SEMA3E: variants seen among roughly 807,000 people sequenced by gnomAD.
The protein encoded by SEMA3E is semaphorin-3E.
Under a neutral mutation model 93.6 loss-of-function variants are expected in SEMA3E, and 49 were observed. The observed-to-expected ratio is 0.52, with a 90% CI of 0.42 to 0.66. The LOEUF (loss-of-function observed/expected upper bound fraction) is 0.66, where lower values mean the gene tolerates loss of function less well. SEMA3E is among the 30% of genes least tolerant of loss of function. The pLI is 0.00. For synonymous variants in SEMA3E, 363 were observed against 330.7 expected (o/e 1.10, Z -1.06); for missense variants, 906 against 964.8 (o/e 0.94, Z 0.81).
In SEMA3E at chr7:83,465,197, A is replaced by G. The variant is rs1377200943; in HGVS notation, c.456+1285T>C. On this transcript the variant is annotated intron_variant, in intron 4 of 16. Transcript: ENST00000643230. ...CACCTTGCGACCCCCACTCCTGCCC[A>G]CCAGAGAACAAACCCCCTTTGACTG... Among the ~76,000 whole-genome samples, 3 of 151,614 alleles carry G rather than the reference A, an allele frequency of 2.0e-5. No individual in the cohort carries two copies. The East Asian group carries it at 5.9e-4, about 30-fold the overall frequency.
chr7:83,598,607 G>A (rs1254227797), intron 1 of SEMA3E, among the ~76,000 whole-genome samples: 1 of 152,158 alleles, frequency 6.6e-6, no homozygotes, highest in African/African-American at 2.4e-5. Context: ...TTGGAAGCAT[G>A]CTGTGTTAAT....
chr7:83,615,181 G>A (rs1053778200), intron 1 of SEMA3E, among the ~76,000 whole-genome samples: 1 of 152,048 alleles, frequency 6.6e-6, no homozygotes, highest in Non-Finnish European at 1.5e-5. Context: ...TGTTCAAAGG[G>A]TTTCTGGGGC....
At chr7:83,522,494 C>T (rs1791070034) in intron 1 of SEMA3E, among the ~76,000 whole-genome samples, 1 of 152,052 alleles carries the variant, frequency 6.6e-6, no homozygotes, top group Admixed American at 6.6e-5. Flanking sequence ...CAGGCTGAAG[C>T]TACCCTCTAG....
intron 4 of SEMA3E, chr7:83,462,293 A>G (rs569331490): frequency 6.6e-6 from 1 of 152,302 alleles, no homozygotes; most frequent in South Asian, 2.1e-4. Context: ...CCTTGCCTCC[A>G]TAACTGTTGT....
intron 1 of SEMA3E, among the ~76,000 whole-genome samples, chr7:83,593,282 CTCTGTGTGTGTG>C (rs1338405864): frequency 7.4e-5 from 8 of 107,402 alleles, no homozygotes; most frequent in African/African-American, 3.7e-4. Context: ...CTCTCTCTCT[CTCTGTGTGTGTG>C]TGTGTGTGTG....
At chr7:83,587,108 T>A (rs2115931130) in intron 1 of SEMA3E, among the ~76,000 whole-genome samples, 1 of 152,244 alleles carries the variant, frequency 6.6e-6, no homozygotes, top group East Asian at 1.9e-4. Flanking sequence ...ACTTAAAGAT[T>A]TTCCACACAA....
chr7:83,541,058 C>T (rs1791520811), intron 1 of SEMA3E, among the ~76,000 whole-genome samples: 1 of 152,290 alleles, frequency 6.6e-6, no homozygotes, highest in Non-Finnish European at 1.5e-5. Flanking sequence ...CAGATGCACA[C>T]ACCCTTAGGG....
chr7:83,433,436 G>A (rs1196939660), intron 4 of SEMA3E, among the ~76,000 whole-genome samples: 6 of 151,970 alleles, frequency 3.9e-5, no homozygotes, highest in Non-Finnish European at 8.8e-5. Context: ...TTTACTAACC[G>A]AAATTCTTAT....
chr7:83,638,392 G>A (rs1793923790), intron 1 of SEMA3E, among the ~76,000 whole-genome samples: 1 of 152,138 alleles, frequency 6.6e-6, no homozygotes, highest in Non-Finnish European at 1.5e-5. Context: ...ACTTCTCTTT[G>A]AGACATGGAA....
intron 14 of SEMA3E, among the ~76,000 whole-genome samples, chr7:83,388,047 A>G (rs1019768656): frequency 5.4e-5 from 8 of 148,380 alleles, no homozygotes; most frequent in Middle Eastern, 3.6e-3. Flanking sequence ...ATGGTGGCTC[A>G]CGCCTGTAAT....
intron 2 of SEMA3E, among the ~76,000 whole-genome samples, chr7:83,472,861 C>A (rs370928052): frequency 1.2e-4 from 18 of 152,264 alleles, no homozygotes; most frequent in East Asian, 5.8e-4. Flanking sequence ...TGAGTGAGTT[C>A]TCACAAGATC....
intron 1 of SEMA3E, among the ~76,000 whole-genome samples, chr7:83,492,093 A>G (rs1243716862): frequency 1.3e-5 from 2 of 152,062 alleles, no homozygotes; most frequent in East Asian, 3.8e-4. Context: ...GTTTTAATGC[A>G]CAGTGAAATA....
At chr7:83,587,416 C>T (rs182428186) in intron 1 of SEMA3E, among the ~76,000 whole-genome samples, 6 of 152,272 alleles carry the variant, frequency 3.9e-5, no homozygotes, top group Admixed American at 3.9e-4. Flanking sequence ...AAGCGTCCCT[C>T]ATTATTTGCA....
intron 6 of SEMA3E, 132 bp from the exon 7 acceptor site, chr7:83,407,371 C>A: frequency 1.2e-6 from 1 of 857,604 alleles, no homozygotes; most frequent in Non-Finnish European, 1.8e-6. Flanking sequence ...AAATATTTTT[C>A]TTGAATTTTT....
chr7:83,539,619 A>C (rs1791475595), intron 1 of SEMA3E, among the ~76,000 whole-genome samples: 1 of 151,934 alleles, frequency 6.6e-6, no homozygotes, highest in African/African-American at 2.4e-5. Context: ...AGCTTTCCAA[A>C]CCGTTTTTGC....
At chr7:83,552,968 T>C (rs1381323819) in intron 1 of SEMA3E, among the ~76,000 whole-genome samples, 1 of 147,010 alleles carries the variant, frequency 6.8e-6, no homozygotes, top group Non-Finnish European at 1.5e-5. Context: ...CTCAGAAGCA[T>C]GTGATCTTTG....
chr7:83,387,977 A>AAT (rs1269693885), intron 14 of SEMA3E, among the ~76,000 whole-genome samples: 1 of 146,624 alleles, frequency 6.8e-6, no homozygotes, highest in Non-Finnish European at 1.5e-5. Context: ...GTAATTCAAG[A>AAT]ATATATATAT....
chr7:83,384,392 A>G (rs1422089587), intron 16 of SEMA3E, among the ~76,000 whole-genome samples: 7 of 152,032 alleles, frequency 4.6e-5, no homozygotes, highest in Non-Finnish European at 8.8e-5. Flanking sequence ...AGGTCTCTAG[A>G]GCTTATTTTC....
At chr7:83,594,292 C>T (rs889334770) in intron 1 of SEMA3E, among the ~76,000 whole-genome samples, 3 of 152,074 alleles carry the variant, frequency 2.0e-5, no homozygotes, top group African/African-American at 4.8e-5. Context: ...GTTTATTTAG[C>T]GCTTTGTTCC....
Sources: allele counts gnomAD v4.1 joint callset (sites outside exome capture counted in the v4.1 genomes callset), GRCh38; gene constraint gnomAD v4.1.1; transcripts MANE v1.5; gene names NCBI Gene and HGNC (gene_info 2026-07-23, HGNC 2026-07-21).